Variants in LRRC8A observed in about 807,000 individuals in gnomAD.
LRRC8A encodes leucine rich repeat containing 8 VRAC subunit A.
A neutral mutation model predicts 52.5 loss-of-function variants in LRRC8A; 24 were observed. The ratio of observed to expected loss-of-function variants is 0.46; its 90% CI spans 0.33 to 0.64. LRRC8A has a LOEUF of 0.64. Ranked by LOEUF, LRRC8A falls within the 30% of genes least tolerant of loss-of-function variation. The probability of loss-of-function intolerance (pLI) is 0.02; values close to 1 mark genes in which losing one functional copy is unlikely to be tolerated. For missense variants in LRRC8A, 677 were observed against 1,094.7 expected (o/e 0.62, Z 5.38); for synonymous variants, 492 against 494.2 (o/e 1.00, Z 0.06).
chr9:128,891,670 A>G lies in LRRC8A; in HGVS notation c.-9+5549A>G, dbSNP rs1041206073. 1.2e-4 allele frequency among the ~76,000 whole-genome samples: 18 copies of G among 152,178 alleles called. 1 individual carries two copies. The highest frequency in any genetic ancestry group is 1.1e-3 in the Admixed American group (17 of 15,282). ...CTAGGCTCCCTTCCAGAGCTTCCTT[A>G]TAGCAGTACCCGTGAGACCAGAGGC... On this transcript the variant is annotated intron_variant, in intron 2 of 3. Coordinates refer to ENST00000372600, the MANE Select transcript of LRRC8A (RefSeq NM_019594.4).
chr9:128,905,026 A>T (rs1044062824), intron 2 of LRRC8A, among the ~76,000 whole-genome samples: 31 of 145,946 alleles, frequency 2.1e-4, no homozygotes, highest in African/African-American at 7.6e-4. Context: ...AAAAAAAATT[A>T]GCCAGGCATG....
chr9:128,915,490 A>G (rs1840770143), intron 3 of LRRC8A, among the ~76,000 whole-genome samples: 1 of 151,892 alleles, frequency 6.6e-6, no homozygotes, highest in African/African-American at 2.4e-5. Context: ...ATGCCCGGCT[A>G]ATTTTTTTGT....
Position 128,908,387 on chromosome 9 carries a change from A to G in LRRC8A, c.1223A>G (p.Asn408Ser). Residue 408 changes from asparagine to serine, a missense_variant, in exon 3 of 4, where the codon AAC (asparagine) becomes AGC (serine). Around this residue, in one of 4 missense-constraint regions of LRRC8A, gnomAD observed 422 missense variants for 741.5 expected, o/e 0.57. Coordinates refer to ENST00000372600, the MANE Select transcript of LRRC8A (RefSeq NM_019594.4). Reference protein sequence around the residue: ...SENKLRQLNLNNEWTLDKLRQ... With the variant: ...SENKLRQLNLSNEWTLDKLRQ... ...AACAAGCTGCGGCAGCTGAACCTCAACAACGAGTGGACGCTGGACAAGCTC... is the reference window on the plus strand; with the variant it reads ...AACAAGCTGCGGCAGCTGAACCTCAGCAACGAGTGGACGCTGGACAAGCTC... 1 of 1,613,864 alleles carries G rather than the reference A, an allele frequency of 6.2e-7. No individual in the cohort carries two copies. The highest frequency in any genetic ancestry group is 8.5e-7 in the Non-Finnish European group (1 of 1,180,030).
intron 3 of LRRC8A, among the ~76,000 whole-genome samples, chr9:128,910,420 C>T (rs1436097093): frequency 1.3e-5 from 2 of 152,208 alleles, no homozygotes; most frequent in Non-Finnish European, 1.5e-5. Context: ...TGACCAGGCC[C>T]AGTGGGTCAA....
In LRRC8A at chr9:128,916,573, G is replaced by A. The variant is rs928350200; in HGVS notation, c.*202G>A. 1.9e-5 allele frequency: 12 copies of A among 641,536 alleles called. No homozygotes were observed. Among genetic ancestry groups the A allele is most frequent in the South Asian group, 4.3e-5 (2 of 46,546 alleles). 39.7% of individuals were successfully genotyped at this position (641,536 alleles called of 1,614,324 possible). On this transcript the variant is annotated 3_prime_UTR_variant, in exon 4 of 4. Coordinates refer to ENST00000372600, the MANE Select transcript of LRRC8A (RefSeq NM_019594.4). This position sits in a 1 kb window ranked among gnomAD's most constrained non-coding sequence, Gnocchi z 6.1. ...CCCCTTTTCTCCCTCTGAGACTCACGTCCCCCAGGGCAAGTGCTTGTGGAG... is the reference window on the plus strand; with the variant it reads ...CCCCTTTTCTCCCTCTGAGACTCACATCCCCCAGGGCAAGTGCTTGTGGAG...
chr9:128,890,166 GT>G (rs1839553976), intron 2 of LRRC8A, among the ~76,000 whole-genome samples: 1 of 151,440 alleles, frequency 6.6e-6, no homozygotes, highest in African/African-American at 2.4e-5. Flanking sequence ...GTGTGTGTGT[GT>G]GTGCTGGGAA....
At chr9:128,884,149 C>T (rs1274407425) in intron 1 of LRRC8A, among the ~76,000 whole-genome samples, 1 of 152,096 alleles carries the variant, frequency 6.6e-6, no homozygotes, top group Non-Finnish European at 1.5e-5. Context: ...GGATCACTGC[C>T]GTGGGTCAGA....
chr9:128,916,029 G>C lies in LRRC8A; in HGVS notation c.2158-67G>C. On this transcript the variant is annotated intron_variant, in intron 3 of 3. Coordinates refer to ENST00000372600, the MANE Select transcript of LRRC8A (RefSeq NM_019594.4). This position sits in a 1 kb window ranked among gnomAD's most constrained non-coding sequence, Gnocchi z 6.1. Reference sequence around the variant, plus strand: ...GCTGAGATCTTGGGGAGAGAGGGAAGGGAAGCCCAGAGGCCCCGTCCAAGC... The same window carrying C: ...GCTGAGATCTTGGGGAGAGAGGGAACGGAAGCCCAGAGGCCCCGTCCAAGC... 1 of 1,520,690 alleles carries C rather than the reference G, an allele frequency of 6.6e-7. No homozygotes were observed. Among genetic ancestry groups the C allele is most frequent in the South Asian group, 1.3e-5 (1 of 79,644 alleles). 94.2% of individuals were successfully genotyped at this position (1,520,690 alleles called of 1,614,324 possible).
chr9:128,908,093 G>C lies in LRRC8A; in HGVS notation c.929G>C (p.Cys310Ser), dbSNP rs772854961. Residue 310 changes from cysteine (C) to serine (S), a missense_variant, in exon 3 of 4, where the codon TGT (cysteine) becomes TCT (serine). Transcript: ENST00000372600. ...CTGACGGGCTACCGCACCTACCGCT[G>C]TGCCCACCCCCTGGCCACACTCTTC... ...ESLTGYRTYR[C>S]AHPLATLFKI... The C allele has an allele frequency of 6.2e-7, 1 of 1,613,948 alleles. No individual in the cohort carries two copies. The highest frequency in any genetic ancestry group is 1.3e-5 in the African/African-American group (1 of 74,996).
At position 128,908,915 on chromosome 9, in the gene LRRC8A, T is replaced by C. The variant is rs1392615654; in HGVS notation, c.1751T>C (p.Leu584Pro). 6.2e-7 allele frequency: 1 copy of C among 1,613,864 alleles called. No homozygotes were observed. The highest frequency in any genetic ancestry group is 8.5e-7 in the Non-Finnish European group (1 of 1,180,008). ...INNEGTKLIV[L>P]NSLKKMANLT... ...AATGAGGGCACCAAGCTCATCGTCC[T>C]CAACAGCCTCAAGAAGATGGCGAAC... The change falls in exon 3 of 4, where the codon CTC (leucine) becomes CCC (proline). Residue 584 changes from leucine (L) to proline (P), a missense_variant. By Grantham distance (98) the Leu-to-Pro change is moderately conservative. This residue lies in a region of LRRC8A where 422 missense variants were observed against 741.5 expected (regional missense o/e 0.57). Coordinates refer to ENST00000372600, the MANE Select transcript of LRRC8A (RefSeq NM_019594.4).
At chr9:128,901,194 G>T (rs937874298) in intron 2 of LRRC8A, among the ~76,000 whole-genome samples, 16 of 152,020 alleles carry the variant, frequency 1.1e-4, no homozygotes, top group African/African-American at 3.4e-4. Context: ...ACCGGGCACA[G>T]TGGCTCATGC....
intron 3 of LRRC8A, among the ~76,000 whole-genome samples, chr9:128,913,942 C>T (rs1461111066): frequency 1.3e-5 from 2 of 152,192 alleles, no homozygotes; most frequent in African/African-American, 2.4e-5. Flanking sequence ...TGGTGGCTCA[C>T]GCCTGTAATC....
chr9:128,898,025 T>A (rs535349102), intron 2 of LRRC8A, among the ~76,000 whole-genome samples: 9 of 136,862 alleles, frequency 6.6e-5, no homozygotes, highest in African/African-American at 2.5e-4. Context: ...CTAACCTCAC[T>A]TCTAAGATTG....
At position 128,908,829 on chromosome 9, in the gene LRRC8A, A is replaced by G. The variant is rs759449636; in HGVS notation, c.1665A>G (p.Leu555=). ...RLKVLRLKSN[L]SKLPQVVTDV... ...AGGTGCTGCGGCTCAAGAGCAACCT[A>G]AGCAAGCTGCCACAGGTGGTCACAG... Residue 555 remains leucine (L), a synonymous_variant, in exon 3 of 4, where the codon CTA becomes CTG. Transcript: ENST00000372600. 1.4e-5 allele frequency: 22 copies of G among 1,613,508 alleles called. No individual in the cohort carries two copies. The highest frequency in any genetic ancestry group is 1.7e-5 in the Non-Finnish European group (20 of 1,180,022).
chr9:128,884,353 G>A (rs1839303889), intron 1 of LRRC8A, among the ~76,000 whole-genome samples: 1 of 152,146 alleles, frequency 6.6e-6, no homozygotes, highest in South Asian at 2.1e-4. Flanking sequence ...GGATGGATGT[G>A]GGGCTCTTAG....
intron 2 of LRRC8A, among the ~76,000 whole-genome samples, chr9:128,901,812 C>T (rs1024739966): frequency 6.6e-6 from 1 of 152,192 alleles, no homozygotes; most frequent in South Asian, 2.1e-4. Flanking sequence ...AGGGGGCAGG[C>T]AGGTGGCTCT....
rs568461434 is a variant in LRRC8A, at chr9:128,911,129, G to A, written c.2157+1808G>A. 6.6e-6 allele frequency among the ~76,000 whole-genome samples: 1 copy of A among 152,200 alleles called. No individual in the cohort carries two copies. The highest frequency in any genetic ancestry group is 2.4e-5 in the African/African-American group (1 of 41,524). ...TCAGGCACGGAGGGAGGTGGCCCCT[G>A]GAATGCCCTGTCTGTCCTCCTGGGC... On this transcript the variant is annotated intron_variant, in intron 3 of 3. Coordinates refer to ENST00000372600, the MANE Select transcript of LRRC8A (RefSeq NM_019594.4). The surrounding 1 kb of genome is among the most constrained non-coding windows in gnomAD (Gnocchi z 4.9).
chr9:128,891,099 C>T lies in LRRC8A; in HGVS notation c.-9+4978C>T, dbSNP rs149826145. Among the ~76,000 whole-genome samples, 43 of 152,066 alleles carry T rather than the reference C, an allele frequency of 2.8e-4. 1 individual carries two copies. The highest frequency in any genetic ancestry group is 2.4e-3 in the Admixed American group (37 of 15,266). ...CAGCCTGGCCAACATGGTGAAACCCCGTTTCTACTAAAAAATACAAAAATC... is the reference window on the plus strand; with the variant it reads ...CAGCCTGGCCAACATGGTGAAACCCTGTTTCTACTAAAAAATACAAAAATC... On this transcript the variant is annotated intron_variant, in intron 2 of 3. Coordinates refer to ENST00000372600, the MANE Select transcript of LRRC8A (RefSeq NM_019594.4).
intron 1 of LRRC8A, chr9:128,885,360 C>T (rs1839351135): frequency 6.6e-6 from 1 of 152,274 alleles, no homozygotes; most frequent in Admixed American, 6.5e-5. Flanking sequence ...CGCAAGCCTT[C>T]TCCAGATGCC....
Sources: allele counts gnomAD v4.1 joint callset (sites outside exome capture counted in the v4.1 genomes callset), GRCh38; gene constraint gnomAD v4.1.1; regional missense constraint gnomAD v4.1.1; non-coding constraint Gnocchi (gnomAD v3.1); transcripts MANE v1.5; gene names NCBI Gene and HGNC (gene_info 2026-07-23, HGNC 2026-07-21).